The following RBFOX3 variants were observed in gnomAD, a reference collection of about 807,000 sequenced individuals.
The protein encoded by RBFOX3 is RNA binding fox-1 homolog 3, also known as RNA binding protein fox-1 homolog 3.
RBFOX3 carries 17 observed loss-of-function variants against 48.7 expected under a neutral mutation model. The ratio of observed to expected loss-of-function variants is 0.35; its 90% CI spans 0.24 to 0.52. The LOEUF (loss-of-function observed/expected upper bound fraction) is 0.52. Among genes scored for constraint, RBFOX3 ranks in the 20% least tolerant of loss-of-function variants. The pLI is 0.94. For missense variants in RBFOX3, 382 were observed against 497.5 expected (o/e 0.77, Z 2.21); for synonymous variants, 212 against 209.5 (o/e 1.01, Z -0.10).
the RBFOX3 span, among the ~76,000 whole-genome samples, chr17:79,626,914 G>A: frequency 6.6e-6 from 1 of 152,238 alleles, no homozygotes. Flanking sequence ...GAAGCCTGGA[G>A]CCTCGGTCAT....
chr17:79,463,499 GCCATCGCCACTGCCACCTCCA>G (rs1568295672), intron 2 of RBFOX3, among the ~76,000 whole-genome samples: 2 of 51,462 alleles, frequency 3.9e-5, no homozygotes, highest in African/African-American at 6.2e-5. Context: ...CACTGCCACT[GCCATCGCCACTGCCACCTCCA>G]CCATCGCCAC....
At chr17:79,331,728 G>A (rs1414445161) in intron 2 of RBFOX3, among the ~76,000 whole-genome samples, 2 of 152,186 alleles carry the variant, frequency 1.3e-5, no homozygotes, top group East Asian at 1.9e-4. Context: ...AACTAAAAGC[G>A]TGCTGTGGCC....
intron 4 of RBFOX3, among the ~76,000 whole-genome samples, chr17:79,157,711 C>A (rs2377303): frequency 6.6e-6 from 1 of 152,162 alleles, no homozygotes; most frequent in Non-Finnish European, 1.5e-5. Context: ...CCCAGGCCCA[C>A]GCTGTCCCCA....
At chr17:79,596,418 C>A (rs1050122616) in intron 1 of RBFOX3, among the ~76,000 whole-genome samples, 1 of 152,164 alleles carries the variant, frequency 6.6e-6, no homozygotes, top group Non-Finnish European at 1.5e-5. Context: ...GTGTGCCCAG[C>A]ACCAGCCAGG....
intron 4 of RBFOX3, among the ~76,000 whole-genome samples, chr17:79,229,904 G>C (rs751087692): frequency 6.6e-6 from 1 of 152,218 alleles, no homozygotes; most frequent in South Asian, 2.1e-4. Context: ...CAGGCCTGTT[G>C]TACGGATGAC....
In RBFOX3 at chr17:79,449,622, A is replaced by AACACACACACACACACATAC. The variant is rs144341578; in HGVS notation, c.-175+32831_-175+32832insGTATGTGTGTGTGTGTGTGT. Among the ~76,000 whole-genome samples the AACACACACACACACACATAC allele has an allele frequency of 8.3e-4, 120 of 144,602 alleles. No individual in the cohort carries two copies. In the East Asian group the frequency reaches 0.023, roughly 28 times the overall value. 94.9% of individuals were successfully genotyped at this position (144,602 alleles called of 152,430 possible). A position where few individuals can be genotyped will look rare whatever the true frequency, so the allele number is the denominator to read the frequency against. On this transcript the variant is annotated intron_variant, in intron 2 of 14. Transcript: ENST00000693108. Reference sequence around the variant, plus strand: ...TGCTTATTTGAAACCTGCACACATAAACACACACACACACACACACACACA... The same window carrying AACACACACACACACACATAC: ...TGCTTATTTGAAACCTGCACACATAAACACACACACACACACATACACACACACACACACACACACACACA...
rs114502216 is a variant in RBFOX3 at position 79,272,043 on chromosome 17, C to T, written c.-74+35681G>A. On this transcript the variant is annotated intron_variant, in intron 3 of 14. Transcript: ENST00000693108. ...GCCTGGTTAGGGCCATCTCCCTTTT[C>T]GGGGTGGGAACGCCGAGGCTGAGAG... Among the ~76,000 whole-genome samples, 1,010 of 152,330 alleles carry T rather than the reference C, an allele frequency of 6.6e-3. 11 individuals are homozygous for T. The highest frequency in any genetic ancestry group is 0.023 in the African/African-American group (955 of 41,578).
At chr17:79,385,441 A>G (rs1470725776) in intron 2 of RBFOX3, among the ~76,000 whole-genome samples, 3 of 152,112 alleles carry the variant, frequency 2.0e-5, no homozygotes, top group Non-Finnish European at 4.4e-5. Context: ...AGGATGCAGG[A>G]CAATCAGCGA....
chr17:79,616,766 T>A, the RBFOX3 span, among the ~76,000 whole-genome samples: 3 of 152,124 alleles, frequency 2.0e-5, no homozygotes, highest in African/African-American at 7.2e-5. Flanking sequence ...AGGGAATGTA[T>A]GATCAAAACG....
the RBFOX3 span, among the ~76,000 whole-genome samples, chr17:79,620,577 ACACG>A: frequency 3.2e-4 from 29 of 89,354 alleles, 1 homozygote; most frequent in East Asian, 2.0e-3. Flanking sequence ...GCGCGTGCAC[ACACG>A]CACGCACACA....
At chr17:79,389,549 T>TCCTTG (rs1187485418) in intron 2 of RBFOX3, among the ~76,000 whole-genome samples, 1 of 152,194 alleles carries the variant, frequency 6.6e-6, no homozygotes, top group African/African-American at 2.4e-5. Context: ...AGCCTATTGT[T>TCCTTG]AAACACTGAG....
intron 2 of RBFOX3, among the ~76,000 whole-genome samples, chr17:79,374,025 G>A (rs1438667269): frequency 6.6e-6 from 1 of 152,114 alleles, no homozygotes; most frequent in African/African-American, 2.4e-5. Flanking sequence ...AATTAGCCCA[G>A]CTAATTTTTG....
intron 2 of RBFOX3, among the ~76,000 whole-genome samples, chr17:79,429,918 T>C (rs1555727541): frequency 6.6e-6 from 1 of 152,134 alleles, no homozygotes; most frequent in Non-Finnish European, 1.5e-5. Flanking sequence ...GACCTGACTT[T>C]GGCCTGGGAG....
intron 2 of RBFOX3, among the ~76,000 whole-genome samples, chr17:79,324,678 A>T (rs1371729424): frequency 6.6e-6 from 1 of 152,228 alleles, no homozygotes; most frequent in East Asian, 1.9e-4. Context: ...GGGTGGAGGG[A>T]AGGGAGACCC....
intron 1 of RBFOX3, among the ~76,000 whole-genome samples, chr17:79,609,544 G>A (rs2093921766): frequency 6.6e-6 from 1 of 152,292 alleles, no homozygotes; most frequent in African/African-American, 2.4e-5. Context: ...AATAAATCAG[G>A]TACCTCGCCA....
At chr17:79,131,189 T>TGTGTGCTCC (rs1295691176) in intron 4 of RBFOX3, among the ~76,000 whole-genome samples, 2 of 150,924 alleles carry the variant, frequency 1.3e-5, no homozygotes, top group Admixed American at 6.6e-5. Context: ...TGCTGTATGC[T>TGTGTGCTCC]GTGTGCTCCG....
chr17:79,408,295 C>A (rs2063816152), intron 2 of RBFOX3, among the ~76,000 whole-genome samples: 1 of 152,198 alleles, frequency 6.6e-6, no homozygotes, highest in South Asian at 2.1e-4. Context: ...AGCTTCTTCA[C>A]CCAAGCGAGA....
intron 4 of RBFOX3, among the ~76,000 whole-genome samples, chr17:79,216,245 C>T (rs1005600644): frequency 5.9e-5 from 9 of 152,236 alleles, no homozygotes; most frequent in African/African-American, 2.2e-4. Context: ...CGAGCTGAGA[C>T]GCCATCTGTG....
At chr17:79,372,185 G>A (rs1019608556) in intron 2 of RBFOX3, among the ~76,000 whole-genome samples, 11 of 152,012 alleles carry the variant, frequency 7.2e-5, no homozygotes, top group Admixed American at 2.0e-4. Flanking sequence ...AGCCTGCCCC[G>A]GACAGCACTG....
Sources: gnomAD v4.1 joint callset for allele counts (sites outside exome capture counted in the v4.1 genomes callset) on GRCh38, gnomAD v4.1.1 for gene constraint, MANE v1.5 for transcripts, NCBI Gene and HGNC (gene_info 2026-07-23, HGNC 2026-07-21) for gene names.